The following ARHGAP31 variants were observed in gnomAD, a reference collection of about 807,000 sequenced individuals.
The protein encoded by ARHGAP31 is Rho GTPase activating protein 31.
A neutral mutation model predicts 113.9 loss-of-function variants in ARHGAP31; 34 were observed. The observed-to-expected ratio is 0.30, with a 90% CI of 0.23 to 0.40. The LOEUF (loss-of-function observed/expected upper bound fraction) is 0.40, where lower values mean the gene tolerates loss of function less well. ARHGAP31 is among the 10% of genes least tolerant of loss of function. The pLI is 1.00. For synonymous variants in ARHGAP31, 650 were observed against 684.8 expected, an observed-to-expected ratio of 0.95 and a Z score of 0.79; for missense variants, 1,548 against 1,767.1, an observed-to-expected ratio of 0.88 and a Z score of 2.22.
chr3:119,380,404 T>TATTCATTC (rs10576434), intron 3 of ARHGAP31, among the ~76,000 whole-genome samples: 2 of 150,790 alleles, frequency 1.3e-5, no homozygotes, highest in African/African-American at 4.9e-5. Context: ...TTTATTTATG[T>TATTCATTC]ATTCATTCAT....
At chr3:119,410,677 T>TTAG (rs1178120831) in intron 11 of ARHGAP31, among the ~76,000 whole-genome samples, 1 of 152,164 alleles carries the variant, frequency 6.6e-6, no homozygotes, top group African/African-American at 2.4e-5. Flanking sequence ...GCAGGTAAAG[T>TTAG]TAGTGCTGGA....
In ARHGAP31 at chr3:119,395,827, G is replaced by A. The variant is rs539737965; in HGVS notation, c.1006+2236G>A. ...TTCTGGGTCTGCATCTGTAATCATC[G>A]TATGGCAAAACTCAGCTTACACAAA... On this transcript the variant is annotated intron_variant, in intron 8 of 11. Coordinates refer to ENST00000264245, the MANE Select transcript of ARHGAP31 (RefSeq NM_020754.4). Among the ~76,000 whole-genome samples, 9 of 152,292 alleles carry A rather than the reference G, an allele frequency of 5.9e-5. No homozygotes were observed. The East Asian group carries it at 7.7e-4, about 13-fold the overall frequency.
intron 3 of ARHGAP31, among the ~76,000 whole-genome samples, chr3:119,368,805 C>G (rs2080271577): frequency 6.6e-6 from 1 of 152,158 alleles, no homozygotes; most frequent in Non-Finnish European, 1.5e-5. Context: ...AAACTGAGAA[C>G]CCCAGAAGTA....
chr3:119,401,750 T>C, intron 9 of ARHGAP31, 72 bp from the exon 10 acceptor site: 1 of 1,423,100 alleles, frequency 7.0e-7, no homozygotes. Flanking sequence ...GTCGTGTGCC[T>C]GCCCTTACTG....
intron 6 of ARHGAP31, among the ~76,000 whole-genome samples, chr3:119,390,339 C>G (rs2080492500): frequency 6.6e-6 from 1 of 152,176 alleles, no homozygotes; most frequent in Admixed American, 6.5e-5. Flanking sequence ...TGCTGTCCAG[C>G]TGTGGGGAGG....
intron 10 of ARHGAP31, among the ~76,000 whole-genome samples, chr3:119,406,140 A>T (rs79224483): frequency 0.027 from 4,056 of 152,258 alleles, 186 homozygotes; most frequent in African/African-American, 0.092. Context: ...TGGGCTTTGC[A>T]TGCCATAATG....
At chr3:119,312,574 C>A (rs923449789) in intron 1 of ARHGAP31, among the ~76,000 whole-genome samples, 3 of 152,152 alleles carry the variant, frequency 2.0e-5, no homozygotes, top group Non-Finnish European at 4.4e-5. Context: ...GTCTTCTTCT[C>A]TTGTAAAATT....
At chr3:119,399,177 A>T (rs1248859400) in intron 8 of ARHGAP31, 22 bp from the exon 9 acceptor site, 1 of 1,608,528 alleles carries the variant, frequency 6.2e-7, no homozygotes, top group Admixed American at 1.7e-5. Flanking sequence ...TTCATCAAGG[A>T]TATTTTTTCT....
chr3:119,361,014 T>C (rs912199090), intron 1 of ARHGAP31, among the ~76,000 whole-genome samples: 7 of 152,198 alleles, frequency 4.6e-5, no homozygotes, highest in Admixed American at 3.9e-4. Context: ...TTTCTTTCTG[T>C]CTATAACTAC....
chr3:119,387,098 C>T (rs925374007), intron 6 of ARHGAP31, among the ~76,000 whole-genome samples: 2 of 145,500 alleles, frequency 1.4e-5, no homozygotes, highest in Admixed American at 6.7e-5. Flanking sequence ...TAAACTCCCC[C>T]GGGGAAAGGG....
intron 6 of ARHGAP31, among the ~76,000 whole-genome samples, chr3:119,383,762 T>A (rs1057417356): frequency 1.3e-5 from 2 of 152,192 alleles, no homozygotes; most frequent in East Asian, 3.8e-4. Flanking sequence ...GCAGTAGGCA[T>A]ACAAAAATGA....
rs2080617721 is a variant in ARHGAP31, at chr3:119,402,246, G to C, written c.1494G>C (p.Val498=). Residue 498 remains valine, a synonymous_variant, in exon 10 of 12, where the codon GTG becomes GTC. Coordinates refer to ENST00000264245, the MANE Select transcript of ARHGAP31 (RefSeq NM_020754.4). ...EPFAVSVPLR[V]SAVISTNSTP... ...TTGCGGTATCTGTGCCGCTCCGCGTGTCCGCAGTCATCAGCACCAACAGCA... is the reference window on the plus strand; with the variant it reads ...TTGCGGTATCTGTGCCGCTCCGCGTCTCCGCAGTCATCAGCACCAACAGCA... The C allele has an allele frequency of 6.2e-7, 1 of 1,614,282 alleles. No individual in the cohort carries two copies. The highest frequency in any genetic ancestry group is 8.5e-7 in the Non-Finnish European group (1 of 1,180,052).
chr3:119,294,879 A>T lies in ARHGAP31; in HGVS notation c.-26A>T, dbSNP rs2079519246. On this transcript the variant is annotated 5_prime_UTR_variant, in exon 1 of 12. Coordinates refer to ENST00000264245, the MANE Select transcript of ARHGAP31 (RefSeq NM_020754.4). ...CCAAGCAGAGGGGCGGCAGAGACGG[A>T]GGGGCAGCCTCTTTGGGACTAACTC... 2 of 1,607,092 alleles carry T rather than the reference A, an allele frequency of 1.2e-6. No individual in the cohort carries two copies. The highest frequency in any genetic ancestry group is 2.2e-5 in the South Asian group (2 of 90,904).
rs183837502 is a variant in ARHGAP31 at position 119,414,259 on chromosome 3, T to C, written c.2330T>C (p.Leu777Pro). 310 of 1,614,144 alleles carry C rather than the reference T, an allele frequency of 1.9e-4. 2 individuals are homozygous for C. In the African/African-American group the frequency reaches 3.8e-3, roughly 20 times the overall value. ...ATVEVGGPGN[L>P]SPPLPPAPPP... ...GTGGAAGTAGGAGGCCCAGGCAATC[T>C]GTCTCCTCCACTCCCACCTGCTCCT... is the stretch of plus-strand genomic sequence containing the variant. The change falls in exon 12 of 12, where the codon CTG becomes CCG. Residue 777 changes from leucine to proline, a missense_variant. Physicochemically the swap from Leu to Pro is moderately conservative, Grantham distance 98. Transcript: ENST00000264245.
chr3:119,394,677 G>C (rs1337013717), intron 8 of ARHGAP31, among the ~76,000 whole-genome samples: 2 of 152,056 alleles, frequency 1.3e-5, no homozygotes, highest in Non-Finnish European at 2.9e-5. Flanking sequence ...AGAGCTGACC[G>C]AGCACAGTGG....
At position 119,409,620 on chromosome 3, in the gene ARHGAP31, A is replaced by G. The variant is rs1340216768; in HGVS notation, c.1770A>G (p.Pro590=). The change falls in exon 11 of 12, where the codon CCA becomes CCG. Residue 590 remains proline, a synonymous_variant. Transcript: ENST00000264245. ...PGAHLEEKKT[P]ESSLSSQHLN... ...CCCACCTGGAGGAGAAGAAAACCCCAGAAAGCTCCTTGAGCTCTCAACATT... is the reference window on the plus strand; with the variant it reads ...CCCACCTGGAGGAGAAGAAAACCCCGGAAAGCTCCTTGAGCTCTCAACATT... 1 of 1,613,906 alleles carries G rather than the reference A, an allele frequency of 6.2e-7. No homozygotes were observed. Among genetic ancestry groups the G allele is most frequent in the South Asian group, 1.1e-5 (1 of 91,032 alleles).
At chr3:119,335,863 T>G (rs1339278582) in intron 1 of ARHGAP31, among the ~76,000 whole-genome samples, 1 of 152,166 alleles carries the variant, frequency 6.6e-6, no homozygotes, top group African/African-American at 2.4e-5. Context: ...GAAATCTAGA[T>G]TCTGGGTTGA....
chr3:119,416,489 G>A lies in ARHGAP31; in HGVS notation c.*225G>A. 1 of 611,430 alleles carries A rather than the reference G, an allele frequency of 1.6e-6. No individual in the cohort carries two copies. 37.9% of individuals were successfully genotyped at this position (611,430 alleles called of 1,614,324 possible). On this transcript the variant is annotated 3_prime_UTR_variant, in exon 12 of 12. Transcript: ENST00000264245. Reference sequence around the variant, plus strand: ...TTTAGTTAAGTCTATGTGAGCAAGTGAGAGAAGGTTAGGTAAGGGGAGAGG... The same window carrying A: ...TTTAGTTAAGTCTATGTGAGCAAGTAAGAGAAGGTTAGGTAAGGGGAGAGG...
chr3:119,353,213 C>G lies in ARHGAP31; in HGVS notation c.101-12103C>G, dbSNP rs1212262908. On this transcript the variant is annotated intron_variant, in intron 1 of 11. Transcript: ENST00000264245. ...AGCATGAGGGTCCTGTCTCAGCACT[C>G]CCCAACGTGGTCCCTCTCAAGACAG... Among the ~76,000 whole-genome samples the G allele has an allele frequency of 2.6e-5, 4 of 152,292 alleles. No individual in the cohort carries two copies. The East Asian group carries it at 5.8e-4, about 22-fold the overall frequency.
Sources: gnomAD v4.1 joint callset for allele counts (sites outside exome capture counted in the v4.1 genomes callset) on GRCh38, gnomAD v4.1.1 for gene constraint, MANE v1.5 for transcripts, NCBI Gene and HGNC (gene_info 2026-07-23, HGNC 2026-07-21) for gene names.